PAK2: variants seen among roughly 807,000 people sequenced by gnomAD.
PAK2 encodes serine/threonine-protein kinase PAK 2.
A neutral mutation model predicts 65.9 loss-of-function variants in PAK2; 21 were observed. That is an observed-to-expected ratio of 0.32 (90% CI 0.23 to 0.46). The LOEUF (loss-of-function observed/expected upper bound fraction) is 0.46. Among genes scored for constraint, PAK2 ranks in the 20% least tolerant of loss-of-function variants. The pLI is 1.00. For missense variants in PAK2, 324 were observed against 642.6 expected, an observed-to-expected ratio of 0.50 and a Z score of 5.36; for synonymous variants, 204 against 219.7, an observed-to-expected ratio of 0.93 and a Z score of 0.63.
intron 4 of PAK2, 75 bp from the exon 5 acceptor site, chr3:196,805,277 C>CTTT: frequency 4.9e-6 from 3 of 618,048 alleles, no homozygotes; most frequent in South Asian, 2.1e-5. Flanking sequence ...ACTTTCTCTG[C>CTTT]TTTTTTTTTT....
intron 1 of PAK2, among the ~76,000 whole-genome samples, chr3:196,753,112 C>G (rs971061667): frequency 1.3e-5 from 2 of 151,942 alleles, no homozygotes; most frequent in Non-Finnish European, 2.9e-5. Context: ...GCACCCACCA[C>G]CACGCCTGGC....
chr3:196,808,892 A>ACGG (rs1715678902), intron 7 of PAK2, among the ~76,000 whole-genome samples: 1 of 151,758 alleles, frequency 6.6e-6, no homozygotes, highest in South Asian at 2.1e-4. Context: ...TTAACAATTA[A>ACGG]AGAATGCTAA....
rs373145395 is a variant in PAK2 at position 196,751,696 on chromosome 3, A to AATAAAATTACC, written c.-22+11539_-22+11540insATAAAATTACC. Among the ~76,000 whole-genome samples the AATAAAATTACC allele has an allele frequency of 7.2e-4, 52 of 72,626 alleles. 2 individuals carry two copies. Among genetic ancestry groups the AATAAAATTACC allele is most frequent in the African/African-American group, 3.5e-3 (52 of 14,848 alleles). 47.6% of individuals were successfully genotyped at this position (72,626 alleles called of 152,430 possible). A position where few individuals can be genotyped will look rare whatever the true frequency, so the allele number is the denominator to read the frequency against. On this transcript the variant is annotated intron_variant, in intron 1 of 14. Transcript: ENST00000327134. ...ATACATATATATATATATATATATA[A>AATAAAATTACC]TTCAGGCTATATATAAAAGGCATTT...
chr3:196,773,246 C>G (rs1048524610), intron 1 of PAK2, among the ~76,000 whole-genome samples: 1 of 152,186 alleles, frequency 6.6e-6, no homozygotes, highest in Non-Finnish European at 1.5e-5. Flanking sequence ...GAGAGAGGCA[C>G]TACTTACCGT....
At chr3:196,825,186 A>T (rs2108776524) in intron 13 of PAK2, among the ~76,000 whole-genome samples, 1 of 151,658 alleles carries the variant, frequency 6.6e-6, no homozygotes, top group South Asian at 2.1e-4. Flanking sequence ...CCTCTACTAA[A>T]AATACAAAAA....
At chr3:196,772,719 T>G (rs1275697325) in intron 1 of PAK2, among the ~76,000 whole-genome samples, 1 of 152,150 alleles carries the variant, frequency 6.6e-6, no homozygotes, top group Non-Finnish European at 1.5e-5. Flanking sequence ...TCATTCATGC[T>G]TCTGCTCTCA....
Position 196,820,574 on chromosome 3 carries a change from T to C in PAK2, c.1350+7T>C. 2 of 1,498,420 alleles carry C rather than the reference T, an allele frequency of 1.3e-6. No individual in the cohort carries two copies. Among genetic ancestry groups the C allele is most frequent in the Non-Finnish European group, 1.8e-6 (2 of 1,091,050 alleles). 92.8% of individuals were successfully genotyped at this position (1,498,420 alleles called of 1,614,324 possible). ...CAATGAAAATCCCTTGAGGGTAAGA[T>C]GAGTTAAACACCAGCCTTGTTCAAT... On this transcript the variant is annotated splice_region_variant and intron_variant, in intron 13 of 14. Transcript: ENST00000327134. The surrounding 1 kb of genome is among the most constrained non-coding windows in gnomAD (Gnocchi z 4.6).
At chr3:196,808,918 G>A (rs1715679861) in intron 7 of PAK2, among the ~76,000 whole-genome samples, 1 of 150,572 alleles carries the variant, frequency 6.6e-6, no homozygotes, top group African/African-American at 2.4e-5. Context: ...AGGGTTCAAG[G>A]AAAAATACTG....
In PAK2 at chr3:196,828,824, C is replaced by CT; in HGVS notation, c.*423dup. On this transcript the variant is annotated 3_prime_UTR_variant, in exon 15 of 15. Coordinates refer to ENST00000327134, the MANE Select transcript of PAK2 (RefSeq NM_002577.4). Reference sequence around the variant, plus strand: ...CTGCTAGTCTTTCTCTCCTTCATAGCTTTTCTTTTCCTGGACTTGCTCCTT... The same window carrying CT: ...CTGCTAGTCTTTCTCTCCTTCATAGCTTTTTCTTTTCCTGGACTTGCTCCTT... 2 of 172,402 alleles carry CT rather than the reference C, an allele frequency of 1.2e-5. No homozygotes were observed. Among genetic ancestry groups the CT allele is most frequent in the Non-Finnish European group, 2.4e-5 (2 of 81,884 alleles). The allele number at this position is 172,402 out of a possible 1,614,324, so 10.7% of individuals were successfully genotyped here. A position where few individuals can be genotyped will look rare whatever the true frequency, so the allele number is the denominator to read the frequency against.
intron 1 of PAK2, among the ~76,000 whole-genome samples, chr3:196,744,587 T>G (rs1713311367): frequency 6.6e-6 from 1 of 152,212 alleles, no homozygotes; most frequent in Admixed American, 6.5e-5. Context: ...GTCCCATTCC[T>G]TAGAAGTACC....
intron 13 of PAK2, among the ~76,000 whole-genome samples, chr3:196,825,241 G>A (rs75973503): frequency 2.7e-5 from 4 of 149,116 alleles, no homozygotes; most frequent in East Asian, 3.9e-4. Context: ...AGCTACTCGG[G>A]AGGCTGAGCT....
intron 8 of PAK2, 44 bp from the exon 9 acceptor site, chr3:196,812,175 T>C: frequency 9.3e-7 from 1 of 1,079,680 alleles, no homozygotes. Context: ...CAAATGCTAG[T>C]GATTTATCAA....
At chr3:196,769,578 A>G (rs899276161) in intron 1 of PAK2, among the ~76,000 whole-genome samples, 10 of 151,558 alleles carry the variant, frequency 6.6e-5, no homozygotes, top group Non-Finnish European at 1.2e-4. Flanking sequence ...TTGGGAGGCC[A>G]AGGCGGGCGG....
At chr3:196,776,958 AT>A (rs1292865885) in intron 1 of PAK2, among the ~76,000 whole-genome samples, 1 of 152,222 alleles carries the variant, frequency 6.6e-6, no homozygotes, top group Non-Finnish European at 1.5e-5. Flanking sequence ...GTAAGACAAG[AT>A]TTTTTTCGTA....
chr3:196,823,628 G>A (rs1371994650), intron 13 of PAK2, among the ~76,000 whole-genome samples: 1 of 151,758 alleles, frequency 6.6e-6, no homozygotes, highest in Non-Finnish European at 1.5e-5. Flanking sequence ...CACTTTGGGA[G>A]GCCGAGGTGG....
chr3:196,798,802 C>T (rs1172283163), intron 2 of PAK2, among the ~76,000 whole-genome samples: 1 of 152,134 alleles, frequency 6.6e-6, no homozygotes, highest in African/African-American at 2.4e-5. Flanking sequence ...ATGGGTTTGT[C>T]TCAATACATG....
At chr3:196,827,742 T>TA (rs1711930306) in intron 14 of PAK2, among the ~76,000 whole-genome samples, 2 of 152,164 alleles carry the variant, frequency 1.3e-5, no homozygotes, top group South Asian at 2.1e-4. Context: ...CCCTAGAACT[T>TA]AAAGTATTAA....
intron 2 of PAK2, among the ~76,000 whole-genome samples, chr3:196,797,864 T>A (rs1715306580): frequency 6.6e-6 from 1 of 152,106 alleles, no homozygotes; most frequent in African/African-American, 2.4e-5. Flanking sequence ...ATTTGGAAAG[T>A]AAAGAAAGCA....
chr3:196,761,278 G>A (rs1713953052), intron 1 of PAK2, among the ~76,000 whole-genome samples: 1 of 113,418 alleles, frequency 8.8e-6, no homozygotes, highest in African/African-American at 3.5e-5. Context: ...AAGGTCTCTG[G>A]TTTTCCTAGG....
Sources: allele counts gnomAD v4.1 joint callset (sites outside exome capture counted in the v4.1 genomes callset), GRCh38; gene constraint gnomAD v4.1.1; non-coding constraint Gnocchi (gnomAD v3.1); transcripts MANE v1.5; gene names NCBI Gene and HGNC (gene_info 2026-07-23, HGNC 2026-07-21).